Variants in NME3 observed in about 807,000 individuals in gnomAD.
NME3 encodes the protein NME/NM23 nucleoside diphosphate kinase 3, also known as nucleoside diphosphate kinase C.
In NME3, 23 loss-of-function variants were observed where a neutral mutation model predicts 15.8. The ratio of observed to expected loss-of-function variants is 1.45; its 90% confidence interval spans 1.05 to 2.06. The LOEUF is 2.06. NME3 is among the 30% of genes most tolerant of loss of function. The probability of loss-of-function intolerance (pLI) is 0.00; values close to 1 mark genes in which losing one functional copy is unlikely to be tolerated. For synonymous variants in NME3, 157 were observed against 104.4 expected (o/e 1.50, Z -3.07); for missense variants, 354 against 243.2 (o/e 1.46, Z -3.03).
intron 2 of NME3, 34 bp from the exon 3 acceptor site, chr16:1,771,205 C>T (rs771918528): frequency 6.3e-7 from 1 of 1,577,630 alleles, no homozygotes; most frequent in African/African-American, 1.3e-5. Flanking sequence ...CGCCCGCACC[C>T]GGCACCTAGG....
chr16:1,770,779 G>C lies in NME3; in HGVS notation c.393-13C>G, dbSNP rs370469601. 5.6e-6 allele frequency: 9 copies of C among 1,599,084 alleles called. No individual in the cohort carries two copies. Among genetic ancestry groups the C allele is most frequent in the African/African-American group, 5.4e-5 (4 of 74,750 alleles). On this transcript the variant is annotated splice_polypyrimidine_tract_variant and intron_variant, in intron 4 of 4. Transcript: ENST00000219302. Reference sequence around the variant, plus strand: ...GTGAATCAGGTTCCTGCGCGGAAGAGGCGCGTGTGAGCGTGGGAAAGAGAC... The same window carrying C: ...GTGAATCAGGTTCCTGCGCGGAAGACGCGCGTGTGAGCGTGGGAAAGAGAC...
chr16:1,770,678 C>T lies in NME3; in HGVS notation c.481G>A (p.Asp161Asn). ...TCATACAGCCAGTGCCCAGCGCTGT[C>T]CTCCCAGCAGAGGAGCTCGTCTGCG... ...FRADELLCWE[D>N]SAGHWLYE is the part of the protein sequence containing the mutation. The change falls in exon 5 of 5, where the codon GAC becomes AAC. Residue 161 changes from aspartate to asparagine, a missense_variant. Coordinates refer to ENST00000219302, the MANE Select transcript of NME3 (RefSeq NM_002513.3). 4 of 1,584,820 alleles carry T rather than the reference C, an allele frequency of 2.5e-6. No individual in the cohort carries two copies. Among genetic ancestry groups the T allele is most frequent in the Non-Finnish European group, 3.4e-6 (4 of 1,166,406 alleles).
Position 1,771,507 on chromosome 16 carries a change from C to G in NME3, c.28G>C (p.Ala10Pro), listed in dbSNP as rs779333710. The change falls in exon 1 of 5, where the codon GCT (alanine) becomes CCT (proline). Residue 10 changes from alanine (A) to proline (P), a missense_variant. Transcript: ENST00000219302. MICLVLTIF[A>P]NLFPAACTGA... ...GGCTCACCCGCGGGGAAGAGGTTAG[C>G]GAAGATGGTCAGCACCAGGCAGATC... 90 of 1,295,028 alleles carry G rather than the reference C, an allele frequency of 6.9e-5. No individual in the cohort carries two copies. The highest frequency in any genetic ancestry group is 7.7e-5 in the Non-Finnish European group (78 of 1,014,374). The allele number at this position is 1,295,028 out of a possible 1,614,324, so 80.2% of individuals were successfully genotyped here.
In NME3 at chr16:1,771,402, C is replaced by T. The variant is rs1463272192; in HGVS notation, c.55G>A (p.Gly19Ser). 29 of 1,543,764 alleles carry T rather than the reference C, an allele frequency of 1.9e-5. 1 individual carries two copies. The East Asian group carries it at 6.9e-4, about 37-fold the overall frequency. ...FANLFPAACT[G>S]AHERTFLAVK... ...GCCAGGAAGGTGCGTTCGTGTGCGC[C>T]GGTGCAGGCTGCGGGGCAGGCGGGG... The change falls in exon 2 of 5, where the codon GGC becomes AGC. Residue 19 changes from glycine (G) to serine (S), a missense_variant. By Grantham distance (56) the Gly-to-Ser change is moderately conservative (BLOSUM62 0). Coordinates refer to ENST00000219302, the MANE Select transcript of NME3 (RefSeq NM_002513.3).
chr16:1,770,695 TC>T lies in NME3; in HGVS notation c.463del (p.Glu155SerfsTer111). On this transcript the variant is annotated frameshift_variant, in exon 5 of 5. Coordinates refer to ENST00000219302, the MANE Select transcript of NME3 (RefSeq NM_002513.3). LOFTEE classifies it low-confidence loss of function (END_TRUNC). ...REIALWFRADELLCWEDSAGH... is the reference protein window; with the variant it reads ...REIALWFRADXLLCWEDSAGH... ...AGCGCTGTCCTCCCAGCAGAGGAGCTCGTCTGCGCGGAACCAGAGAGCGATC... is the reference window on the plus strand; with the variant it reads ...AGCGCTGTCCTCCCAGCAGAGGAGCTGTCTGCGCGGAACCAGAGAGCGATC... 1 of 1,585,706 alleles carries T rather than the reference TC, an allele frequency of 6.3e-7. No individual in the cohort carries two copies. Among genetic ancestry groups the T allele is most frequent in the Non-Finnish European group, 8.6e-7 (1 of 1,166,910 alleles).
At position 1,771,174 on chromosome 16, in the gene NME3, G is replaced by A. The variant is rs1376353968; in HGVS notation, c.178-3C>T. 1 of 1,598,218 alleles carries A rather than the reference G, an allele frequency of 6.3e-7. No homozygotes were observed. Among genetic ancestry groups the A allele is most frequent in the Non-Finnish European group, 8.5e-7 (1 of 1,175,862 alleles). On this transcript the variant is annotated splice_polypyrimidine_tract_variant and splice_region_variant and intron_variant, in intron 2 of 4. Transcript: ENST00000219302. ...TCACGCAGCAGCTCCTCGGAGGCCT[G>A]CGGAAGGGTCAGGCCGCCTGCGCCC...
At position 1,771,199 on chromosome 16, in the gene NME3, C is replaced by G. The variant is rs768578080; in HGVS notation, c.178-28G>C. On this transcript the variant is annotated intron_variant, in intron 2 of 4. Coordinates refer to ENST00000219302, the MANE Select transcript of NME3 (RefSeq NM_002513.3). Reference sequence around the variant, plus strand: ...GCGGAAGGGTCAGGCCGCCTGCGCCCGCACCCGGCACCTAGGCGTCCCCAG... The same window carrying G: ...GCGGAAGGGTCAGGCCGCCTGCGCCGGCACCCGGCACCTAGGCGTCCCCAG... The G allele has an allele frequency of 1.9e-6, 3 of 1,580,868 alleles. No homozygotes were observed. In the South Asian group the frequency reaches 3.4e-5, roughly 18 times the overall value.
At chr16:1,771,437 C>A (rs2042599975) in intron 1 of NME3, 27 bp from the exon 2 acceptor site, 4 of 1,502,794 alleles carry the variant, frequency 2.7e-6, no homozygotes, top group Non-Finnish European at 3.5e-6. Context: ...GACGGGCCGT[C>A]AGGCCGGCCC....
In NME3 at chr16:1,770,788, G is replaced by A. The variant is rs2042571954; in HGVS notation, c.393-22C>T. 2.5e-6 allele frequency: 4 copies of A among 1,596,296 alleles called. No homozygotes were observed. In the South Asian group the frequency reaches 4.5e-5, roughly 18 times the overall value. ...GTTCCTGCGCGGAAGAGGCGCGTGT[G>A]AGCGTGGGAAAGAGACCTCCGGCAC... is the stretch of plus-strand genomic sequence containing the variant. On this transcript the variant is annotated intron_variant, in intron 4 of 4. Transcript: ENST00000219302.
chr16:1,771,114 C>A lies in NME3; in HGVS notation c.235G>T (p.Gly79Cys). Residue 79 changes from glycine to cysteine, a missense_variant, in exon 3 of 5, where the codon GGC becomes TGC. Gly to Cys is a radical substitution (Grantham distance 159, BLOSUM62 -3). Transcript: ENST00000219302. Reference sequence around the variant, plus strand: ...GAGGCCATATACTTGACAAGGCGGCCGTAGAACGGGCGTTCACGCAGCTCG... The same window carrying A: ...GAGGCCATATACTTGACAAGGCGGCAGTAGAACGGGCGTTCACGCAGCTCG... ...YAELRERPFYGRLVKYMASGP... is the reference protein window; with the variant it reads ...YAELRERPFYCRLVKYMASGP... 1 of 1,609,946 alleles carries A rather than the reference C, an allele frequency of 6.2e-7. No homozygotes were observed. Among genetic ancestry groups the A allele is most frequent in the Non-Finnish European group, 8.5e-7 (1 of 1,179,224 alleles).
chr16:1,770,984 C>T lies in NME3; in HGVS notation c.289G>A (p.Gly97Arg). ...SGPVVAMVWQ[G>R]LDVVRTSRAL... is the part of the protein sequence containing the mutation. ...CGCGAGGTGCGCACCACGTCCAGCC[C>T]CTGCCATACCTGTGCGGAGGAACGG... The change falls in exon 4 of 5, where the codon GGG (glycine) becomes AGG (arginine). Residue 97 changes from glycine (G) to arginine (R), a missense_variant. Gly to Arg is a moderately radical substitution (Grantham distance 125). Transcript: ENST00000219302. 1.9e-6 allele frequency: 3 copies of T among 1,588,414 alleles called. No individual in the cohort carries two copies. The highest frequency in any genetic ancestry group is 2.6e-6 in the Non-Finnish European group (3 of 1,163,646).
Position 1,770,509 on chromosome 16 carries a change from T to A in NME3, c.*140A>T, listed in dbSNP as rs2042557496. On this transcript the variant is annotated 3_prime_UTR_variant, in exon 5 of 5. Transcript: ENST00000219302. The stretch of plus-strand genomic sequence containing the variant: ...TTGGAGAGGCCTGCGCCACCCTCCA[T>A]GCAACGTCCAGACAGGTGGATGTTC... 4.7e-6 allele frequency: 3 copies of A among 637,680 alleles called. No homozygotes were observed. Among genetic ancestry groups the A allele is most frequent in the South Asian group, 4.3e-5 (2 of 46,316 alleles). The allele number at this position is 637,680 out of a possible 1,614,324, so 39.5% of individuals were successfully genotyped here. A position where few individuals can be genotyped will look rare whatever the true frequency, so the allele number is the denominator to read the frequency against.
Position 1,770,981 on chromosome 16 carries a change from GC to G in NME3, c.291del (p.Leu98TrpfsTer36). ...SGPVVAMVWQ[G>X]LDVVRTSRAL... is the part of the protein sequence containing the mutation. ...GCCCGCGAGGTGCGCACCACGTCCA[GC>G]CCCTGCCATACCTGTGCGGAGGAAC... is the stretch of plus-strand genomic sequence containing the variant. On this transcript the variant is annotated frameshift_variant, in exon 4 of 5. Transcript: ENST00000219302. LOFTEE classifies it high-confidence loss of function. 1 of 1,589,838 alleles carries G rather than the reference GC, an allele frequency of 6.3e-7. No homozygotes were observed. Among genetic ancestry groups the G allele is most frequent in the Non-Finnish European group, 8.6e-7 (1 of 1,164,636 alleles).
chr16:1,771,169 G>A lies in NME3; in HGVS notation c.180C>T (p.Ala60=), dbSNP rs771722360. 11 of 1,600,844 alleles carry A rather than the reference G, an allele frequency of 6.9e-6. No individual in the cohort carries two copies. The highest frequency in any genetic ancestry group is 2.7e-5 in the African/African-American group (2 of 74,812). ...AGTGCTCACGCAGCAGCTCCTCGGAGGCCTGCGGAAGGGTCAGGCCGCCTG... is the reference window on the plus strand; with the variant it reads ...AGTGCTCACGCAGCAGCTCCTCGGAAGCCTGCGGAAGGGTCAGGCCGCCTG... ...FKLVALKLVQ[A]SEELLREHYA... Residue 60 remains alanine (A), a splice_region_variant and synonymous_variant, in exon 3 of 5, where the codon GCC becomes GCT. Coordinates refer to ENST00000219302, the MANE Select transcript of NME3 (RefSeq NM_002513.3).
Position 1,771,190 on chromosome 16 carries a change from G to C in NME3, c.178-19C>G, listed in dbSNP as rs755983096. 2 of 1,583,736 alleles carry C rather than the reference G, an allele frequency of 1.3e-6. No homozygotes were observed. The highest frequency in any genetic ancestry group is 1.7e-6 in the Non-Finnish European group (2 of 1,169,702). On this transcript the variant is annotated intron_variant, in intron 2 of 4. Transcript: ENST00000219302. ...CGGAGGCCTGCGGAAGGGTCAGGCC[G>C]CCTGCGCCCGCACCCGGCACCTAGG...
rs1009508313 is a variant in NME3, at chr16:1,771,389, C to A, written c.68G>T (p.Arg23Leu). 3 of 1,551,346 alleles carry A rather than the reference C, an allele frequency of 1.9e-6. No individual in the cohort carries two copies. Among genetic ancestry groups the A allele is most frequent in the Non-Finnish European group, 2.6e-6 (3 of 1,149,678 alleles). The part of the protein sequence containing the change: ...FPAACTGAHE[R>L]TFLAVKPDGV... ...GTCCGGCTTCACGGCCAGGAAGGTG[C>A]GTTCGTGTGCGCCGGTGCAGGCTGC... is the stretch of plus-strand genomic sequence containing the variant. The change falls in exon 2 of 5, where the codon CGC (arginine) becomes CTC (leucine). Residue 23 changes from arginine to leucine, a missense_variant. Coordinates refer to ENST00000219302, the MANE Select transcript of NME3 (RefSeq NM_002513.3).
chr16:1,770,556 C>A lies in NME3; in HGVS notation c.*93G>T. The A allele has an allele frequency of 2.1e-6, 2 of 955,196 alleles. No individual in the cohort carries two copies. The highest frequency in any genetic ancestry group is 1.7e-5 in the South Asian group (1 of 60,170). 59.2% of individuals were successfully genotyped at this position (955,196 alleles called of 1,614,324 possible). On this transcript the variant is annotated 3_prime_UTR_variant, in exon 5 of 5. Coordinates refer to ENST00000219302, the MANE Select transcript of NME3 (RefSeq NM_002513.3). ...GTTCAGCAGCCCGTCCAAAGGGATG[C>A]TCCAAGCGCTGTGGGGTGGGGCCAG...
rs774674251 is a variant in NME3, at chr16:1,771,275, C to T, written c.177+5G>A. The stretch of plus-strand genomic sequence containing the variant: ...CGCGCCCCCGCTCGCTCACCGCGCC[C>T]CCACCTGCACCAGCTTCAGCGCCAC... On this transcript the variant is annotated splice_donor_5th_base_variant and intron_variant, in intron 2 of 4. Coordinates refer to ENST00000219302, the MANE Select transcript of NME3 (RefSeq NM_002513.3). 4 of 1,600,464 alleles carry T rather than the reference C, an allele frequency of 2.5e-6. No individual in the cohort carries two copies. Among genetic ancestry groups the T allele is most frequent in the Non-Finnish European group, 3.4e-6 (4 of 1,176,584 alleles).
chr16:1,771,420 A>G lies in NME3; in HGVS notation c.47-10T>C. 6.5e-7 allele frequency: 1 copy of G among 1,526,892 alleles called. No homozygotes were observed. Among genetic ancestry groups the G allele is most frequent in the Non-Finnish European group, 8.8e-7 (1 of 1,139,410 alleles). 94.6% of individuals were successfully genotyped at this position (1,526,892 alleles called of 1,614,324 possible). A position where few individuals can be genotyped will look rare whatever the true frequency, so the allele number is the denominator to read the frequency against. ...TGTGCGCCGGTGCAGGCTGCGGGGCAGGCGGGGACGGGCCGTCAGGCCGGC... is the reference window on the plus strand; with the variant it reads ...TGTGCGCCGGTGCAGGCTGCGGGGCGGGCGGGGACGGGCCGTCAGGCCGGC... On this transcript the variant is annotated splice_polypyrimidine_tract_variant and intron_variant, in intron 1 of 4. Transcript: ENST00000219302.
Sources: allele counts gnomAD v4.1 joint callset, GRCh38; gene constraint gnomAD v4.1.1; transcripts MANE v1.5; gene names NCBI Gene and HGNC (gene_info 2026-07-23, HGNC 2026-07-21).